Variants in LAPTM4B observed in about 807,000 individuals in gnomAD.
LAPTM4B encodes lysosomal-associated transmembrane protein 4B.
In LAPTM4B, 26 loss-of-function variants were observed where a neutral mutation model predicts 28.5. That is an observed-to-expected ratio of 0.91 (90% CI 0.67 to 1.27). LAPTM4B has a LOEUF of 1.27. LAPTM4B is among the 50% of genes most tolerant of loss of function. LAPTM4B has a pLI of 0.00. For synonymous variants in LAPTM4B, 109 were observed against 106.4 expected, an observed-to-expected ratio of 1.02 and a Z score of -0.15; for missense variants, 288 against 285.8, an observed-to-expected ratio of 1.01 and a Z score of -0.06.
intron 6 of LAPTM4B, among the ~76,000 whole-genome samples, chr8:97,848,963 A>G (rs1563625203): frequency 6.6e-6 from 1 of 152,140 alleles, no homozygotes; most frequent in Non-Finnish European, 1.5e-5. Flanking sequence ...CACTTTTGGA[A>G]TTGCTAGTGG....
intron 2 of LAPTM4B, among the ~76,000 whole-genome samples, chr8:97,811,430 G>A (rs1816824441): frequency 1.3e-5 from 2 of 152,188 alleles, no homozygotes; most frequent in South Asian, 2.1e-4. Flanking sequence ...AGCAATCAGA[G>A]ATGAAATGAT....
intron 1 of LAPTM4B, among the ~76,000 whole-genome samples, chr8:97,785,779 A>G (rs1003600916): frequency 1.3e-5 from 2 of 152,218 alleles, no homozygotes; most frequent in African/African-American, 4.8e-5. Context: ...GCTTGTGGCA[A>G]TAGCAATCAG....
At chr8:97,821,885 C>T (rs555161716) in intron 5 of LAPTM4B, among the ~76,000 whole-genome samples, 12 of 152,114 alleles carry the variant, frequency 7.9e-5, no homozygotes, top group Admixed American at 5.2e-4. Context: ...ATGTCAGAAG[C>T]CCTGCCTCAG....
At chr8:97,838,020 C>A (rs535029004) in intron 6 of LAPTM4B, among the ~76,000 whole-genome samples, 1 of 152,160 alleles carries the variant, frequency 6.6e-6, no homozygotes, top group South Asian at 2.1e-4. Flanking sequence ...GGTAAAATTG[C>A]AAATAAGCTG....
chr8:97,824,546 GA>G (rs1173498894), intron 5 of LAPTM4B, among the ~76,000 whole-genome samples: 1 of 152,096 alleles, frequency 6.6e-6, no homozygotes, highest in African/African-American at 2.4e-5. Context: ...TAATAAAGGG[GA>G]AATGTTTTAG....
chr8:97,820,788 G>T (rs1306954727), intron 5 of LAPTM4B, among the ~76,000 whole-genome samples: 2 of 151,860 alleles, frequency 1.3e-5, no homozygotes, highest in African/African-American at 4.8e-5. Context: ...GAGTGCAGAG[G>T]TGCGATCTCG....
At chr8:97,776,210 C>T (rs1816211298) in intron 1 of LAPTM4B, 102 bp downstream of exon 1, 1 of 1,270,108 alleles carries the variant, frequency 7.9e-7, no homozygotes, top group Non-Finnish European at 1.0e-6. Flanking sequence ...GCTCATCCGC[C>T]TAAAGTTGTA....
chr8:97,821,493 A>G (rs1036416395), intron 5 of LAPTM4B, among the ~76,000 whole-genome samples: 1 of 152,060 alleles, frequency 6.6e-6, no homozygotes, highest in Admixed American at 6.6e-5. Context: ...GGGAGTCCAC[A>G]CTATTTATTG....
At chr8:97,810,730 T>C (rs1816813931) in intron 2 of LAPTM4B, among the ~76,000 whole-genome samples, 1 of 152,254 alleles carries the variant, frequency 6.6e-6, no homozygotes. Flanking sequence ...ATGCATAATA[T>C]GAAACAGGAG....
rs113907184 is a variant in LAPTM4B at position 97,842,594 on chromosome 8, C to G, written c.604-8803C>G. 7.2e-3 allele frequency among the ~76,000 whole-genome samples: 1,094 copies of G among 152,288 alleles called. 13 individuals carry two copies. Among genetic ancestry groups the G allele is most frequent in the African/African-American group, 0.024 (1,015 of 41,550 alleles). ...AGTGCACTGGCGCGATCTCAGCTCA[C>G]TACAAGCTCCGCCTCTTGGGTTCAA... On this transcript the variant is annotated intron_variant, in intron 6 of 6. Coordinates refer to ENST00000521545, the MANE Select transcript of LAPTM4B (RefSeq NM_018407.6).
intron 2 of LAPTM4B, among the ~76,000 whole-genome samples, chr8:97,811,618 T>TCC: frequency 6.6e-6 from 1 of 152,192 alleles, no homozygotes; most frequent in African/African-American, 2.4e-5. Context: ...CTAAGGCTCA[T>TCC]CTTGCTCTGG....
At chr8:97,790,345 C>T (rs1019640187) in intron 1 of LAPTM4B, among the ~76,000 whole-genome samples, 1 of 150,694 alleles carries the variant, frequency 6.6e-6, no homozygotes, top group Non-Finnish European at 1.5e-5. Flanking sequence ...CAGAGTCTCA[C>T]TCTGTCGCCA....
Position 97,775,891 on chromosome 8 carries a change from G to T in LAPTM4B, c.-119G>T. 2 of 1,468,310 alleles carry T rather than the reference G, an allele frequency of 1.4e-6. No individual in the cohort carries two copies. The highest frequency in any genetic ancestry group is 8.9e-7 in the Non-Finnish European group (1 of 1,117,790). The allele number at this position is 1,468,310 out of a possible 1,614,324, so 91.0% of individuals were successfully genotyped here. A position where few individuals can be genotyped will look rare whatever the true frequency, so the allele number is the denominator to read the frequency against. On this transcript the variant is annotated 5_prime_UTR_variant, in exon 1 of 7. Coordinates refer to ENST00000521545, the MANE Select transcript of LAPTM4B (RefSeq NM_018407.6). ...GAGGCAGGCCCGCGGGCGCACGGGC[G>T]AGCGGGCCGGGAGCCGGAGCGGCGG...
intron 6 of LAPTM4B, among the ~76,000 whole-genome samples, chr8:97,831,644 T>C (rs943253987): frequency 3.3e-5 from 5 of 152,146 alleles, no homozygotes; most frequent in Admixed American, 3.3e-4. Context: ...GAATTTTCCA[T>C]GGTCTAAGAA....
chr8:97,828,904 T>C (rs1382016281), intron 6 of LAPTM4B, among the ~76,000 whole-genome samples: 2 of 152,188 alleles, frequency 1.3e-5, no homozygotes, highest in Non-Finnish European at 2.9e-5. Flanking sequence ...GTTGGAGTTA[T>C]AAGGGGAATG....
At chr8:97,784,730 G>A (rs981154250) in intron 1 of LAPTM4B, among the ~76,000 whole-genome samples, 5 of 152,094 alleles carry the variant, frequency 3.3e-5, no homozygotes, top group Admixed American at 6.5e-5. Context: ...GAGCCACCAC[G>A]CCTGGCCAAT....
At chr8:97,819,061 G>A in intron 4 of LAPTM4B, 79 bp from the exon 5 acceptor site, 1 of 845,234 alleles carries the variant, frequency 1.2e-6, no homozygotes, top group Admixed American at 2.2e-5. Flanking sequence ...TTTCTGATAA[G>A]CATGTCTGAA....
chr8:97,823,895 C>T (rs1364448690), intron 5 of LAPTM4B, among the ~76,000 whole-genome samples: 1 of 151,062 alleles, frequency 6.6e-6, no homozygotes, highest in African/African-American at 2.4e-5. Context: ...GATGGAGTTT[C>T]ACTGTGTTGC....
chr8:97,810,748 A>G (rs528750743), intron 2 of LAPTM4B, among the ~76,000 whole-genome samples: 2 of 152,360 alleles, frequency 1.3e-5, no homozygotes, highest in South Asian at 4.1e-4. Flanking sequence ...GAGTTCATCC[A>G]TATTTCTAAT....
Sources: gnomAD v4.1 joint callset for allele counts (sites outside exome capture counted in the v4.1 genomes callset) on GRCh38, gnomAD v4.1.1 for gene constraint, MANE v1.5 for transcripts, NCBI Gene and HGNC (gene_info 2026-07-23, HGNC 2026-07-21) for gene names.